The following TARBP1 variants were observed in gnomAD, a reference collection of about 807,000 sequenced individuals.
The protein encoded by TARBP1 is tRNA guanosine 2 -O-methyltransferase TARBP1, also known as tRNA (guanosine(18)-2'-O)-methyltransferase TARBP1.
TARBP1 carries 144 observed loss-of-function variants against 178.6 expected under a neutral mutation model. That is an observed-to-expected ratio of 0.81 (90% confidence interval 0.70 to 0.93). The LOEUF is 0.93. Among genes scored for constraint, TARBP1 ranks in the 40% least tolerant of loss-of-function variants. The pLI, the probability that TARBP1 is intolerant of heterozygous loss-of-function variation, is 0.00. For synonymous variants in TARBP1, 787 were observed against 781.0 expected (o/e 1.01, Z -0.13); for missense variants, 2,067 against 2,011.7 (o/e 1.03, Z -0.53).
chr1:234,410,366 C>T, intron 23 of TARBP1, 79 bp downstream of exon 23: 2 of 826,756 alleles, frequency 2.4e-6, no homozygotes, highest in Non-Finnish European at 3.9e-6. Context: ...CACAGGAATG[C>T]TCTACATATA....
chr1:234,392,333 C>T (rs1348657486), intron 29 of TARBP1, 83 bp downstream of exon 29: 1 of 1,539,376 alleles, frequency 6.5e-7, no homozygotes, highest in Non-Finnish European at 8.8e-7. Flanking sequence ...GAGACTCCGT[C>T]TCAAAAACAA....
At chr1:234,413,462 G>A (rs139014864) in intron 22 of TARBP1, among the ~76,000 whole-genome samples, 6 of 149,060 alleles carry the variant, frequency 4.0e-5, no homozygotes, top group Non-Finnish European at 7.4e-5. Flanking sequence ...CGACAAGAAC[G>A]AAACTCCATT....
At chr1:234,474,110 G>A (rs1189433761) in intron 1 of TARBP1, among the ~76,000 whole-genome samples, 1 of 152,004 alleles carries the variant, frequency 6.6e-6, no homozygotes, top group Non-Finnish European at 1.5e-5. Flanking sequence ...AGGGCATGGT[G>A]GTGCACACCT....
intron 2 of TARBP1, 129 bp downstream of exon 2, chr1:234,472,585 A>C: frequency 3.3e-6 from 2 of 597,464 alleles, no homozygotes; most frequent in Non-Finnish European, 5.7e-6. Context: ...CCAGACAACA[A>C]AGTATACTTG....
chr1:234,425,986 G>A (rs1003373550), intron 19 of TARBP1, among the ~76,000 whole-genome samples, 193 bp from the exon 20 acceptor site: 9 of 152,172 alleles, frequency 5.9e-5, no homozygotes, highest in African/African-American at 2.2e-4. Context: ...ATATTACAAG[G>A]AGGGTCTATA....
intron 13 of TARBP1, among the ~76,000 whole-genome samples, chr1:234,435,420 T>G (rs958233825): frequency 3.3e-5 from 5 of 152,208 alleles, no homozygotes; most frequent in South Asian, 2.1e-4. Flanking sequence ...AGGTGGAGGT[T>G]GCAGTGGGCC....
intron 24 of TARBP1, among the ~76,000 whole-genome samples, chr1:234,402,245 C>G (rs550992231): frequency 1.3e-5 from 2 of 152,212 alleles, no homozygotes; most frequent in African/African-American, 4.8e-5. Context: ...GAGACTGTCT[C>G]GTTTTCATTC....
intron 22 of TARBP1, among the ~76,000 whole-genome samples, chr1:234,412,829 C>T (rs562008752): frequency 2.6e-5 from 4 of 152,228 alleles, no homozygotes; most frequent in East Asian, 3.9e-4. Context: ...TCAGTTATCT[C>T]GGGTGACCCC....
chr1:234,451,953 C>T (rs1209076809), intron 9 of TARBP1, among the ~76,000 whole-genome samples: 1 of 152,118 alleles, frequency 6.6e-6, no homozygotes, highest in African/African-American at 2.4e-5. Context: ...ATACACTTTT[C>T]TTTGCATTCC....
In TARBP1 at chr1:234,406,103, AAAAG is replaced by A; in HGVS notation, c.3793-8_3793-5del. The A allele has an allele frequency of 6.2e-7, 1 of 1,612,368 alleles. No individual in the cohort carries two copies. The highest frequency in any genetic ancestry group is 1.7e-5 in the Admixed American group (1 of 59,538). On this transcript the variant is annotated splice_region_variant and splice_polypyrimidine_tract_variant and intron_variant, in intron 23 of 29. Transcript: ENST00000040877. ...GGGCTTGCTTCAGAATTAGTTTCTG[AAAAG>A]AAAGGCAAAAAATTCCTCAAAACAC... is the stretch of plus-strand genomic sequence containing the variant.
intron 12 of TARBP1, 105 bp from the exon 13 acceptor site, chr1:234,437,477 C>T: frequency 1.8e-6 from 1 of 546,554 alleles, no homozygotes; most frequent in Non-Finnish European, 3.3e-6. Context: ...ACGTGAATCA[C>T]TTGCCAAAAA....
intron 22 of TARBP1, 116 bp downstream of exon 22, chr1:234,417,968 G>T: frequency 1.8e-6 from 1 of 548,642 alleles, no homozygotes; most frequent in Non-Finnish European, 2.9e-6. Context: ...AACTTATGAT[G>T]TCAATACAAT....
At chr1:234,405,314 G>A (rs1318426130) in intron 24 of TARBP1, 1 of 152,194 alleles carries the variant, frequency 6.6e-6, no homozygotes, top group African/African-American at 2.4e-5. Flanking sequence ...GCAGAGACCT[G>A]GAGATGCTTA....
At chr1:234,430,041 G>A (rs915184) in intron 15 of TARBP1, 46 bp downstream of exon 15, 175,825 of 1,548,008 alleles carry the variant, frequency 0.11, 11,486 homozygotes, top group Middle Eastern at 0.27. Flanking sequence ...TGAACTCACG[G>A]TGACAACAAC....
intron 13 of TARBP1, among the ~76,000 whole-genome samples, chr1:234,435,538 G>T (rs865893148): frequency 1.3e-5 from 2 of 152,272 alleles, no homozygotes; most frequent in Middle Eastern, 3.4e-3. Context: ...CTCATGAAAA[G>T]AATTCAGGAG....
Position 234,427,377 on chromosome 1 carries a change from T to A in TARBP1, c.3263A>T (p.Asp1088Val). ...AAGGTTTTCTATGAAGGTCTGTACA[T>A]CCTGAACAAGTCTTTCCATAAAAAA... is the stretch of plus-strand genomic sequence containing the variant. Reference protein sequence around the residue: ...VFRRDQRLVQDVQTFIENLGH... With the variant: ...VFRRDQRLVQVVQTFIENLGH... The change falls in exon 19 of 30, where the codon GAT becomes GTT. Residue 1088 changes from aspartate to valine, a missense_variant. By Grantham distance (152) the Asp-to-Val change is radical (BLOSUM62 -3). Coordinates refer to ENST00000040877, the MANE Select transcript of TARBP1 (RefSeq NM_005646.4). The A allele has an allele frequency of 6.2e-7, 1 of 1,608,912 alleles. No individual in the cohort carries two copies. Among genetic ancestry groups the A allele is most frequent in the Non-Finnish European group, 8.5e-7 (1 of 1,178,252 alleles).
chr1:234,418,449 A>G (rs1662686863), intron 21 of TARBP1, among the ~76,000 whole-genome samples: 1 of 152,240 alleles, frequency 6.6e-6, no homozygotes, highest in Non-Finnish European at 1.5e-5. Flanking sequence ...AGTTCTATCT[A>G]TAAGGAAGGT....
At position 234,471,233 on chromosome 1, in the gene TARBP1, G is replaced by A; in HGVS notation, c.1054C>T (p.Pro352Ser). 1 of 1,597,290 alleles carries A rather than the reference G, an allele frequency of 6.3e-7. No homozygotes were observed. Among genetic ancestry groups the A allele is most frequent in the Admixed American group, 1.8e-5 (1 of 55,458 alleles). The change falls in exon 3 of 30, where the codon CCA becomes TCA. Residue 352 changes from proline to serine, a missense_variant. Transcript: ENST00000040877. ...TATTCAAACAGATTGTTTAGCTTTG[G>A]TAAAACTGGCTTTATAACATGTATC... ...NQIHVIKPVLPKLNNLFEYAV... is the reference protein window; with the variant it reads ...NQIHVIKPVLSKLNNLFEYAV...
chr1:234,426,648 T>C (rs1037819675), intron 19 of TARBP1, among the ~76,000 whole-genome samples: 5 of 152,002 alleles, frequency 3.3e-5, no homozygotes, highest in Non-Finnish European at 7.4e-5. Context: ...ATTTTAATCA[T>C]CTCTATAAAC....
Sources: allele counts gnomAD v4.1 joint callset (sites outside exome capture counted in the v4.1 genomes callset), GRCh38; gene constraint gnomAD v4.1.1; transcripts MANE v1.5; gene names NCBI Gene and HGNC (gene_info 2026-07-23, HGNC 2026-07-21).